Variants in CPLX2 observed in about 807,000 individuals in gnomAD.
The protein encoded by CPLX2 is complexin 2.
A neutral mutation model predicts 16.3 loss-of-function variants in CPLX2; 5 were observed. That is an observed-to-expected ratio of 0.31 (90% confidence interval 0.16 to 0.64). The LOEUF (loss-of-function observed/expected upper bound fraction) is 0.64, where lower values mean the gene tolerates loss of function less well. Among genes scored for constraint, CPLX2 ranks in the 30% least tolerant of loss-of-function variants. The pLI is 0.79. For synonymous variants in CPLX2, 89 were observed against 73.2 expected (o/e 1.22, Z -1.10); for missense variants, 144 against 181.4 (o/e 0.79, Z 1.18).
chr5:175,879,762 C>T (rs923411482), intron 3 of CPLX2, 86 bp from the exon 4 acceptor site: 1 of 1,330,430 alleles, frequency 7.5e-7, no homozygotes, highest in Non-Finnish European at 1.1e-6. Context: ...TCCTGGCCAC[C>T]TCAGCCAGTG....
chr5:175,797,513 C>A (rs1247549882), intron 1 of CPLX2, among the ~76,000 whole-genome samples: 1 of 152,218 alleles, frequency 6.6e-6, no homozygotes, highest in Non-Finnish European at 1.5e-5. Context: ...ACCCCCACCC[C>A]ATCCCAGCTC....
chr5:175,873,973 G>A (rs1048694526), intron 1 of CPLX2, among the ~76,000 whole-genome samples: 14 of 152,214 alleles, frequency 9.2e-5, no homozygotes, highest in Non-Finnish European at 1.8e-4. Flanking sequence ...TATCTGTTGG[G>A]AAATAATACG....
intron 2 of CPLX2, among the ~76,000 whole-genome samples, chr5:175,839,267 GT>G (rs1434249097): frequency 7.1e-6 from 1 of 141,440 alleles, no homozygotes. Context: ...ATGAATTTTT[GT>G]TTTTTTGTTT....
intron 1 of CPLX2, among the ~76,000 whole-genome samples, chr5:175,806,761 G>T (rs1267962973): frequency 6.6e-6 from 1 of 151,750 alleles, no homozygotes; most frequent in Non-Finnish European, 1.5e-5. Context: ...GCCTCCCAAA[G>T]TGCTGGGATT....
intron 1 of CPLX2, among the ~76,000 whole-genome samples, chr5:175,876,866 C>A (rs1055916243): frequency 6.6e-6 from 1 of 152,114 alleles, no homozygotes; most frequent in Non-Finnish European, 1.5e-5. Context: ...TGTATTAAAT[C>A]GAACGAAAAC....
At chr5:175,826,558 C>G (rs966259652) in intron 2 of CPLX2, among the ~76,000 whole-genome samples, 1 of 152,184 alleles carries the variant, frequency 6.6e-6, no homozygotes. Context: ...GGACCCTCAA[C>G]TGGGCTGGAG....
At chr5:175,844,041 C>G (rs1229227279) in intron 2 of CPLX2, among the ~76,000 whole-genome samples, 9 of 152,256 alleles carry the variant, frequency 5.9e-5, no homozygotes, top group Non-Finnish European at 1.0e-4. Context: ...AGAAATGACC[C>G]TTGAGCCCAC....
intron 2 of CPLX2, among the ~76,000 whole-genome samples, chr5:175,859,744 T>A (rs1412170527): frequency 2.6e-5 from 4 of 152,228 alleles, no homozygotes; most frequent in Admixed American, 2.6e-4. Flanking sequence ...TCTCTTTCAG[T>A]CAACGTGACC....
rs1250554643 is a variant in CPLX2, at chr5:175,872,652, CCCT to C, written c.-89+950_-89+952del. 4.6e-5 allele frequency among the ~76,000 whole-genome samples: 7 copies of C among 152,162 alleles called. No homozygotes were observed. Among genetic ancestry groups the C allele is most frequent in the Admixed American group, 1.3e-4 (2 of 15,288 alleles). ...CCTACCTCCTCCCATCCTCCGCTGC[CCCT>C]CCCCTCCCCCATGCGTCTCCCATCC... On this transcript the variant is annotated intron_variant, in intron 1 of 3. Transcript: ENST00000393745. The surrounding 1 kb of genome is among the most constrained non-coding windows in gnomAD (Gnocchi z 5.0).
At chr5:175,817,369 A>G (rs564998237) in intron 2 of CPLX2, among the ~76,000 whole-genome samples, 1 of 152,302 alleles carries the variant, frequency 6.6e-6, no homozygotes, top group East Asian at 1.9e-4. Context: ...CTCCCTGAAC[A>G]ACTGCGCATA....
intron 2 of CPLX2, among the ~76,000 whole-genome samples, chr5:175,812,087 G>T (rs1361191900): frequency 6.6e-6 from 1 of 152,232 alleles, no homozygotes; most frequent in East Asian, 1.9e-4. Flanking sequence ...ATGGAAGCGA[G>T]GGTTTGGGGA....
At chr5:175,858,437 G>A (rs890609498) in intron 2 of CPLX2, among the ~76,000 whole-genome samples, 2 of 152,226 alleles carry the variant, frequency 1.3e-5, no homozygotes, top group Non-Finnish European at 2.9e-5. Flanking sequence ...CCCTGGCAGG[G>A]AGCATGGGCC....
chr5:175,879,172 C>T, intron 3 of CPLX2, 89 bp downstream of exon 3: 1 of 1,357,412 alleles, frequency 7.4e-7, no homozygotes. Flanking sequence ...TCCCCTGGAT[C>T]CCAGCTCTCA....
intron 2 of CPLX2, among the ~76,000 whole-genome samples, chr5:175,853,416 C>T (rs1561784026): frequency 6.6e-6 from 1 of 152,120 alleles, no homozygotes; most frequent in Non-Finnish European, 1.5e-5. Context: ...GGCCTCTTGT[C>T]TTTCAGGGTT....
At chr5:175,820,409 T>G (rs897288015) in intron 2 of CPLX2, among the ~76,000 whole-genome samples, 4 of 152,182 alleles carry the variant, frequency 2.6e-5, no homozygotes, top group African/African-American at 9.7e-5. Flanking sequence ...TCACGTCTCA[T>G]GCAGCCACAA....
rs372110428 is a variant in CPLX2, at chr5:175,824,922, T to C, written c.-89+15854T>C. On this transcript the variant is annotated intron_variant, in intron 2 of 4. Coordinates refer to the CPLX2 transcript ENST00000359546. ...AGGCGAGGAGATCATTCAGACCAGA[T>C]TGGCATTTCTGTTTGCCACTCACCA... 5.3e-5 allele frequency among the ~76,000 whole-genome samples: 8 copies of C among 152,248 alleles called. No homozygotes were observed. In the East Asian group the frequency reaches 1.4e-3, roughly 26 times the overall value.
chr5:175,825,657 GTC>G (rs1319066056), intron 2 of CPLX2, among the ~76,000 whole-genome samples: 1 of 152,128 alleles, frequency 6.6e-6, no homozygotes, highest in Non-Finnish European at 1.5e-5. Flanking sequence ...TGGGACGAGA[GTC>G]TCTGCCTGTA....
At chr5:175,818,870 G>A (rs896542764) in intron 2 of CPLX2, among the ~76,000 whole-genome samples, 12 of 151,850 alleles carry the variant, frequency 7.9e-5, no homozygotes, top group African/African-American at 1.9e-4. Context: ...CATGTTGGTT[G>A]GCCAGGATGG....
intron 1 of CPLX2, among the ~76,000 whole-genome samples, chr5:175,804,727 G>A (rs916619256): frequency 2.6e-5 from 4 of 152,126 alleles, no homozygotes; most frequent in Non-Finnish European, 5.9e-5. Context: ...GACACACCCC[G>A]GTGATTGACA....
Sources: allele counts gnomAD v4.1 joint callset (sites outside exome capture counted in the v4.1 genomes callset), GRCh38; gene constraint gnomAD v4.1.1; non-coding constraint Gnocchi (gnomAD v3.1); transcripts MANE v1.5; gene names NCBI Gene and HGNC (gene_info 2026-07-23, HGNC 2026-07-21).